LRTM3: variants seen among roughly 807,000 people sequenced by gnomAD.
LRTM3 encodes the protein leucine rich repeat transmembrane protein 3.
At chr13:102,732,956 A>T in the LRTM3 span, 1 of 1,551,502 alleles carries the variant, frequency 6.4e-7, no homozygotes, top group Non-Finnish European at 8.7e-7. Flanking sequence ...AAGAAATTCC[A>T]GAACACCTTC....
chr13:102,737,390 GA>G, the LRTM3 span: 1 of 1,550,900 alleles, frequency 6.4e-7, no homozygotes, highest in Non-Finnish European at 8.7e-7. Flanking sequence ...AGAAGACTCA[GA>G]AGGCAAATGT....
the LRTM3 span, chr13:102,730,256 T>C: frequency 6.4e-7 from 1 of 1,551,296 alleles, no homozygotes; most frequent in Non-Finnish European, 8.7e-7. Flanking sequence ...TGTCTGTAAT[T>C]CAAATAGAAT....
the LRTM3 span, chr13:102,748,257 G>T: frequency 6.4e-7 from 1 of 1,550,910 alleles, no homozygotes; most frequent in East Asian, 2.4e-5. Context: ...CTTTCACGTA[G>T]GTCACTGTCT....
chr13:102,748,523 G>T, the LRTM3 span: 3 of 1,550,678 alleles, frequency 1.9e-6, no homozygotes, highest in Non-Finnish European at 2.6e-6. Flanking sequence ...TTGAAGATGG[G>T]AATTTTCTGA....
chr13:102,742,178 A>G, the LRTM3 span: 3 of 1,550,476 alleles, frequency 1.9e-6, no homozygotes, highest in Non-Finnish European at 2.6e-6. Context: ...ATTTTTACTC[A>G]GCTGGAATGA....
chr13:102,752,991 A>T, the LRTM3 span, among the ~76,000 whole-genome samples: 1 of 152,298 alleles, frequency 6.6e-6, no homozygotes, highest in Admixed American at 6.5e-5. Flanking sequence ...ATGGACATGC[A>T]TATACAGAGA....
the LRTM3 span, chr13:102,730,724 G>A: frequency 6.4e-7 from 1 of 1,551,802 alleles, no homozygotes; most frequent in South Asian, 1.2e-5. Context: ...TTGTCCACCA[G>A]CATTTACGTT....
At chr13:102,745,987 A>G in the LRTM3 span, 1 of 1,551,214 alleles carries the variant, frequency 6.4e-7, no homozygotes, top group Non-Finnish European at 8.7e-7. Flanking sequence ...GTATTAAGCC[A>G]TCGCTGTTCT....
chr13:102,744,189 A>G, the LRTM3 span: 1 of 1,550,618 alleles, frequency 6.4e-7, no homozygotes, highest in South Asian at 1.2e-5. Context: ...ATGATATTAA[A>G]CAACTGCAAA....
the LRTM3 span, chr13:102,735,424 C>A: frequency 5.8e-6 from 9 of 1,551,310 alleles, no homozygotes; most frequent in Non-Finnish European, 7.0e-6. Flanking sequence ...TCACGTTCTC[C>A]TGTCCTTCTG....
At chr13:102,749,108 A>T in the LRTM3 span, 37 of 1,549,470 alleles carry the variant, frequency 2.4e-5, no homozygotes, top group Non-Finnish European at 3.1e-5. Flanking sequence ...CCTTTCATGT[A>T]ATTCTTTCTT....
At chr13:102,748,786 T>C in the LRTM3 span, 344 of 1,550,558 alleles carry the variant, frequency 2.2e-4, no homozygotes, top group Admixed American at 2.6e-3. Flanking sequence ...GTGCTTTTAG[T>C]TGAACAGTGT....
chr13:102,741,371 T>A, the LRTM3 span: 1 of 1,549,518 alleles, frequency 6.5e-7, no homozygotes, highest in Non-Finnish European at 8.7e-7. Flanking sequence ...GGGAACATGA[T>A]CTGGATTCAC....
the LRTM3 span, chr13:102,743,074 A>C: frequency 2.6e-6 from 4 of 1,550,388 alleles, no homozygotes. Context: ...TACCAAGATG[A>C]CGATCCTTTC....
At chr13:102,733,357 A>G in the LRTM3 span, 12 of 1,551,210 alleles carry the variant, frequency 7.7e-6, no homozygotes, top group African/African-American at 1.6e-4. Context: ...TTGGCTTATC[A>G]AATTTACATG....
the LRTM3 span, chr13:102,747,139 C>T: frequency 6.4e-7 from 1 of 1,550,772 alleles, no homozygotes; most frequent in South Asian, 1.2e-5. Flanking sequence ...ATTCATTTCC[C>T]TCATTAATGA....
chr13:102,748,545 C>A, the LRTM3 span: 1 of 1,550,710 alleles, frequency 6.4e-7, no homozygotes, highest in South Asian at 1.2e-5. Flanking sequence ...CTTTGTAGGT[C>A]CTCCTGTATT....
At chr13:102,734,663 T>G in the LRTM3 span, 2 of 1,551,234 alleles carry the variant, frequency 1.3e-6, no homozygotes, top group Non-Finnish European at 1.7e-6. Flanking sequence ...GGACTCTCTA[T>G]GTACAGTCTC....
At chr13:102,740,232 G>T in the LRTM3 span, 14 of 1,549,096 alleles carry the variant, frequency 9.0e-6, no homozygotes, top group African/African-American at 1.2e-4. Context: ...GGAAATAAGA[G>T]ACTTGCATAT....
Sources: gnomAD v4.1 joint callset for allele counts (sites outside exome capture counted in the v4.1 genomes callset) on GRCh38, gnomAD v4.1.1 for gene constraint, MANE v1.5 for transcripts, NCBI Gene and HGNC (gene_info 2026-07-23, HGNC 2026-07-21) for gene names.